LRP1B: variants seen among roughly 807,000 people sequenced by gnomAD.
LRP1B encodes LDL receptor related protein 1B.
Under a neutral mutation model 556.6 loss-of-function variants are expected in LRP1B, and 217 were observed. The observed-to-expected ratio is 0.39, with a 90% CI of 0.35 to 0.44. The LOEUF (loss-of-function observed/expected upper bound fraction) is 0.44. Among genes scored for constraint, LRP1B ranks in the 20% least tolerant of loss-of-function variants. The pLI is 1.00. For synonymous variants in LRP1B, 2,047 were observed against 1,865.8 expected (o/e 1.10, Z -2.50); for missense variants, 5,053 against 5,620.8 (o/e 0.90, Z 3.23).
At chr2:141,004,744 T>A (rs1413694950) in intron 15 of LRP1B, among the ~76,000 whole-genome samples, 4 of 152,078 alleles carry the variant, frequency 2.6e-5, no homozygotes, top group Non-Finnish European at 5.9e-5. Context: ...TTGGTGTTAT[T>A]GTGCTGAAGG....
intron 2 of LRP1B, among the ~76,000 whole-genome samples, chr2:141,720,440 T>C (rs921432147): frequency 6.6e-6 from 1 of 152,110 alleles, no homozygotes; most frequent in Non-Finnish European, 1.5e-5. Context: ...AGTTTATTAC[T>C]AAGAAATGAG....
Position 140,232,983 on chromosome 2 carries a change from C to A in LRP1B, c.*203G>T, listed in dbSNP as rs1198730281. ...TTGTAAATTGTACTGTAGTGCAGTT[C>A]TTTTTCATAAAAATACCATACAAAT... On this transcript the variant is annotated 3_prime_UTR_variant, in exon 91 of 91. Coordinates refer to ENST00000389484, the MANE Select transcript of LRP1B (RefSeq NM_018557.3). 2.5e-6 allele frequency: 1 copy of A among 401,844 alleles called. No individual in the cohort carries two copies. The highest frequency in any genetic ancestry group is 4.4e-6 in the Non-Finnish European group (1 of 226,732). The allele number at this position is 401,844 out of a possible 1,614,324, so 24.9% of individuals were successfully genotyped here.
At chr2:141,176,694 G>GTTTTGAA (rs1250006298) in intron 7 of LRP1B, among the ~76,000 whole-genome samples, 10 of 151,510 alleles carry the variant, frequency 6.6e-5, no homozygotes, top group African/African-American at 2.4e-4. Flanking sequence ...TTTAATAGAT[G>GTTTTGAA]ATTTGGATTC....
intron 6 of LRP1B, among the ~76,000 whole-genome samples, chr2:141,226,278 T>A (rs1036183789): frequency 6.6e-6 from 1 of 152,144 alleles, no homozygotes; most frequent in African/African-American, 2.4e-5. Flanking sequence ...TTTTTAGCCA[T>A]CCAGCTTTAC....
At chr2:141,077,566 T>G (rs542732031) in intron 7 of LRP1B, among the ~76,000 whole-genome samples, 1 of 152,170 alleles carries the variant, frequency 6.6e-6, no homozygotes, top group Non-Finnish European at 1.5e-5. Flanking sequence ...GTGTCTATAG[T>G]CGGCTGCCTT....
intron 55 of LRP1B, among the ~76,000 whole-genome samples, chr2:140,500,867 C>T (rs1346112109): frequency 6.6e-6 from 1 of 151,860 alleles, no homozygotes; most frequent in East Asian, 1.9e-4. Flanking sequence ...CTGTAATGGT[C>T]CTAATTTTCA....
chr2:141,646,842 C>T (rs1689584820), intron 2 of LRP1B, among the ~76,000 whole-genome samples: 1 of 152,080 alleles, frequency 6.6e-6, no homozygotes, highest in Non-Finnish European at 1.5e-5. Flanking sequence ...AATTTCAAGT[C>T]ATTAGGTATA....
At chr2:141,017,099 C>T (rs1350659348) in intron 12 of LRP1B, among the ~76,000 whole-genome samples, 1 of 151,960 alleles carries the variant, frequency 6.6e-6, no homozygotes, top group African/African-American at 2.4e-5. Flanking sequence ...TTGTATTAAT[C>T]CTAGAAATAA....
Position 141,205,421 on chromosome 2 carries a change from A to G in LRP1B, c.851-16838T>C, listed in dbSNP as rs1288878240. Among the ~76,000 whole-genome samples the G allele has an allele frequency of 2.0e-5, 3 of 152,302 alleles. No homozygotes were observed. The East Asian group carries it at 5.8e-4, about 29-fold the overall frequency. On this transcript the variant is annotated intron_variant, in intron 6 of 90. Coordinates refer to ENST00000389484, the MANE Select transcript of LRP1B (RefSeq NM_018557.3). The stretch of plus-strand genomic sequence containing the variant: ...GATAACAATGAGAGTCCCAAAATAG[A>G]AGCTCAGGCTCTCCACATGGAATGG...
chr2:140,479,568 T>C (rs1273512994), intron 59 of LRP1B, among the ~76,000 whole-genome samples: 1 of 152,210 alleles, frequency 6.6e-6, no homozygotes, highest in Non-Finnish European at 1.5e-5. Context: ...TGTATTTCTA[T>C]AAAAGTGATT....
At chr2:141,269,533 G>A (rs373179655) in intron 3 of LRP1B, among the ~76,000 whole-genome samples, 1 of 152,134 alleles carries the variant, frequency 6.6e-6, no homozygotes, top group Non-Finnish European at 1.5e-5. Context: ...TGTCAACACA[G>A]GGTAATTGTG....
At chr2:140,709,265 T>C (rs1047397216) in intron 37 of LRP1B, among the ~76,000 whole-genome samples, 1 of 152,106 alleles carries the variant, frequency 6.6e-6, no homozygotes, top group African/African-American at 2.4e-5. Flanking sequence ...TTATATACCA[T>C]GGGAAGTTAA....
At chr2:142,031,550 T>C (rs921260460) in intron 1 of LRP1B, among the ~76,000 whole-genome samples, 2 of 145,750 alleles carry the variant, frequency 1.4e-5, no homozygotes, top group African/African-American at 5.1e-5. Context: ...TGTGTGATTT[T>C]ACTTATTTAT....
chr2:140,901,442 G>A lies in LRP1B; in HGVS notation c.3766+1478C>T, dbSNP rs142441291. On this transcript the variant is annotated intron_variant, in intron 23 of 90. Transcript: ENST00000389484. ...AAATTCTTTTACCCCCTGTGCCAAT[G>A]GCCCCAGTTAGTTGCTACCTATGAC... 6.4e-3 allele frequency among the ~76,000 whole-genome samples: 967 copies of A among 152,240 alleles called. 14 individuals are homozygous for A. The highest frequency in any genetic ancestry group is 0.022 in the African/African-American group (914 of 41,542).
At chr2:141,880,334 C>A (rs779225373) in intron 1 of LRP1B, among the ~76,000 whole-genome samples, 1 of 151,728 alleles carries the variant, frequency 6.6e-6, no homozygotes, top group African/African-American at 2.4e-5. Flanking sequence ...TTGTCATTAG[C>A]TTTAATGGCA....
chr2:141,746,766 T>C (rs1693929149), intron 2 of LRP1B, among the ~76,000 whole-genome samples: 1 of 152,098 alleles, frequency 6.6e-6, no homozygotes, highest in Non-Finnish European at 1.5e-5. Context: ...AAAATGCCAA[T>C]AAACTAAACT....
intron 41 of LRP1B, among the ~76,000 whole-genome samples, chr2:140,622,774 T>A (rs976142966): frequency 6.6e-6 from 1 of 152,178 alleles, no homozygotes; most frequent in African/African-American, 2.4e-5. Flanking sequence ...GCTCTGAAAC[T>A]AGAGTGAAGT....
At chr2:140,532,940 A>ATCTATATCTATATCTATATCTATATC (rs1553482110) in intron 47 of LRP1B, among the ~76,000 whole-genome samples, 55 of 122,938 alleles carry the variant, frequency 4.5e-4, no homozygotes, top group Middle Eastern at 3.9e-3. Flanking sequence ...ATATATATAT[A>ATCTATATCTATATCTATATCTATATC]TATATATACA....
intron 1 of LRP1B, among the ~76,000 whole-genome samples, chr2:142,009,908 A>G (rs909342291): frequency 2.0e-5 from 3 of 152,076 alleles, no homozygotes; most frequent in African/African-American, 7.2e-5. Flanking sequence ...ATATACAAAT[A>G]TATATAGATG....
Sources: gnomAD v4.1 joint callset for allele counts (sites outside exome capture counted in the v4.1 genomes callset) on GRCh38, gnomAD v4.1.1 for gene constraint, MANE v1.5 for transcripts, NCBI Gene and HGNC (gene_info 2026-07-23, HGNC 2026-07-21) for gene names.